The following WDR59 variants were observed in gnomAD, a reference collection of about 807,000 sequenced individuals.
The protein encoded by WDR59 is WD repeat domain 59, also known as GATOR2 complex protein WDR59.
In WDR59, 100 loss-of-function variants were observed where a neutral mutation model predicts 131.2. The observed-to-expected ratio is 0.76, with a 90% CI of 0.65 to 0.90. The LOEUF is 0.90. WDR59 is among the 40% of genes least tolerant of loss of function. The pLI, the probability that WDR59 is intolerant of heterozygous loss-of-function variation, is 0.00. For missense variants in WDR59, 1,203 were observed against 1,262.2 expected (o/e 0.95, Z 0.71); for synonymous variants, 601 against 466.2 (o/e 1.29, Z -3.72).
At chr16:74,893,647 T>C (rs1263476476) in intron 19 of WDR59, 32 bp downstream of exon 19, 7 of 1,563,098 alleles carry the variant, frequency 4.5e-6, no homozygotes, top group Non-Finnish European at 6.1e-6. Context: ...GGCTAAATGA[T>C]GAGTGCAGCA....
In WDR59 at chr16:74,874,436, C is replaced by T. The variant is rs779076351; in HGVS notation, c.2698G>A (p.Val900Met). Residue 900 changes from valine (V) to methionine (M), a missense_variant, in exon 26 of 26, where the codon GTG becomes ATG. Val to Met is a conservative substitution (Grantham distance 21). Transcript: ENST00000262144. ...TCACTCCGGCAGTGGCTGCAGTACA[C>T]GCCGAACTCTGGAAATGGGCAGGGA... ...PDPHKGIEFG[V>M]YCSHCRSEVR... 32 of 1,613,674 alleles carry T rather than the reference C, an allele frequency of 2.0e-5. No homozygotes were observed. The highest frequency in any genetic ancestry group is 1.6e-4 in the Middle Eastern group (1 of 6,082).
chr16:74,985,117 C>T lies in WDR59; in HGVS notation c.-100G>A, dbSNP rs1400851240. The T allele has an allele frequency of 8.5e-7, 1 of 1,173,366 alleles. No homozygotes were observed. The highest frequency in any genetic ancestry group is 2.6e-5 in the East Asian group (1 of 39,136). 72.7% of individuals were successfully genotyped at this position (1,173,366 alleles called of 1,614,324 possible). ...GCCCCACACAGCCAGAGAATCAGCC[C>T]CGACACGCCCCGTGCCCTGGTTGCT... On this transcript the variant is annotated 5_prime_UTR_variant, in exon 1 of 26. Coordinates refer to ENST00000262144, the MANE Select transcript of WDR59 (RefSeq NM_030581.4).
intron 13 of WDR59, 105 bp from the exon 14 acceptor site, chr16:74,912,467 G>A: frequency 2.5e-6 from 3 of 1,203,198 alleles, no homozygotes; most frequent in South Asian, 1.7e-5. Flanking sequence ...TTGAATGAAG[G>A]GAAAGAGTCT....
At chr16:74,974,277 C>G (rs1161968187) in intron 1 of WDR59, among the ~76,000 whole-genome samples, 2 of 152,124 alleles carry the variant, frequency 1.3e-5, no homozygotes, top group East Asian at 1.9e-4. Flanking sequence ...GGTACGTCAC[C>G]TAATCTTTCT....
Position 74,912,283 on chromosome 16 carries a change from G to A in WDR59, c.1304C>T (p.Ala435Val). ...AGGGGCGGCGTTGTTTGGGTACTGT[G>A]CAGGGAACTTCACCAGCATCTTGAC... ...HRVKMLVKFP[A>V]QYPNNAAPSF... The change falls in exon 14 of 26, where the codon GCA becomes GTA. Residue 435 changes from alanine to valine, a missense_variant. Coordinates refer to ENST00000262144, the MANE Select transcript of WDR59 (RefSeq NM_030581.4). 6.2e-7 allele frequency: 1 copy of A among 1,614,186 alleles called. No individual in the cohort carries two copies. The highest frequency in any genetic ancestry group is 8.5e-7 in the Non-Finnish European group (1 of 1,180,030).
chr16:74,892,511 C>A lies in WDR59; in HGVS notation c.2055G>T (p.Leu685Phe). ...GGACAAGATCCTTTCTTCCAACGAG[C>A]AAGGCAGAGGCGGCATTCTTCTGAC... is the stretch of plus-strand genomic sequence containing the variant. The part of the protein sequence containing the change: ...ETCQKNAASA[L>F]LVGRKDLVQV... Residue 685 changes from leucine to phenylalanine, a missense_variant, in exon 20 of 26, where the codon TTG becomes TTT. Coordinates refer to ENST00000262144, the MANE Select transcript of WDR59 (RefSeq NM_030581.4). 6.2e-7 allele frequency: 1 copy of A among 1,613,810 alleles called. No homozygotes were observed. The highest frequency in any genetic ancestry group is 8.5e-7 in the Non-Finnish European group (1 of 1,179,882).
At chr16:74,979,289 C>T (rs757900132) in intron 1 of WDR59, among the ~76,000 whole-genome samples, 4 of 151,438 alleles carry the variant, frequency 2.6e-5, no homozygotes, top group South Asian at 4.2e-4. Flanking sequence ...ACAGTGAAAC[C>T]CCATCTCTAC....
intron 6 of WDR59, among the ~76,000 whole-genome samples, chr16:74,947,305 G>A (rs182784780): frequency 1.2e-4 from 18 of 152,198 alleles, no homozygotes; most frequent in African/African-American, 2.2e-4. Context: ...AAAATTAGCC[G>A]GGCATGGTGG....
chr16:74,939,204 G>A (rs1004202118), intron 7 of WDR59, among the ~76,000 whole-genome samples: 1 of 152,046 alleles, frequency 6.6e-6, no homozygotes, highest in African/African-American at 2.4e-5. Flanking sequence ...GCCTCCCAAA[G>A]TGCTGGGATT....
chr16:74,876,903 C>G (rs570694183), intron 25 of WDR59, among the ~76,000 whole-genome samples: 158 of 152,188 alleles, frequency 1.0e-3, no homozygotes, highest in African/African-American at 2.7e-3. Context: ...TGTCTCACAC[C>G]TGGCTGCCTT....
intron 25 of WDR59, among the ~76,000 whole-genome samples, chr16:74,878,938 C>G (rs1486247340): frequency 6.6e-6 from 1 of 152,228 alleles, no homozygotes. Context: ...TTCCTATAAA[C>G]TATAGGCCAG....
chr16:74,943,254 T>C (rs1274351691), intron 6 of WDR59, among the ~76,000 whole-genome samples: 2 of 143,270 alleles, frequency 1.4e-5, no homozygotes, highest in Non-Finnish European at 3.0e-5. Context: ...TTTTTTTTTT[T>C]AATTGTTGAG....
intron 8 of WDR59, among the ~76,000 whole-genome samples, chr16:74,926,085 AT>A (rs2030777432): frequency 1.4e-5 from 2 of 142,158 alleles, no homozygotes; most frequent in Admixed American, 1.4e-4. Flanking sequence ...TTGAGAGGGA[AT>A]TTTGCTCTTG....
chr16:74,886,618 T>C (rs1964778052), intron 23 of WDR59: 3 of 488,462 alleles, frequency 6.1e-6, no homozygotes, highest in African/African-American at 2.0e-5. Flanking sequence ...TACACACACA[T>C]GATGCTAACG....
At position 74,973,213 on chromosome 16, in the gene WDR59, C is replaced by T. The variant is rs550785075; in HGVS notation, c.55-7391G>A. On this transcript the variant is annotated intron_variant, in intron 1 of 25. Coordinates refer to ENST00000262144, the MANE Select transcript of WDR59 (RefSeq NM_030581.4). Reference sequence around the variant, plus strand: ...CCAAGATTGCGCCATTGCACTCCAGCCTGAGCAACAAGAGCAAAACTCTGT... The same window carrying T: ...CCAAGATTGCGCCATTGCACTCCAGTCTGAGCAACAAGAGCAAAACTCTGT... Among the ~76,000 whole-genome samples the T allele has an allele frequency of 9.8e-5, 15 of 152,294 alleles. No homozygotes were observed. The South Asian group carries it at 3.1e-3, about 32-fold the overall frequency.
chr16:74,906,313 C>CAAAAAAAAAAAAAAAAA (rs762288713), intron 17 of WDR59, among the ~76,000 whole-genome samples: 918 of 32,386 alleles, frequency 0.028, 224 homozygotes, highest in African/African-American at 0.084. Flanking sequence ...GACTCCGTCT[C>CAAAAAAAAAAAAAAAAA]AAAAAAAAAA....
At chr16:74,927,038 G>T (rs1029079567) in intron 8 of WDR59, among the ~76,000 whole-genome samples, 1 of 152,170 alleles carries the variant, frequency 6.6e-6, no homozygotes, top group Non-Finnish European at 1.5e-5. Context: ...CAAACACCCA[G>T]CTGTAAAATC....
chr16:74,871,588 T>C lies in WDR59; in HGVS notation c.*2621A>G, dbSNP rs1428869460. The C allele has an allele frequency of 6.6e-6, 1 of 152,218 alleles. No homozygotes were observed. Among genetic ancestry groups the C allele is most frequent in the Non-Finnish European group, 1.5e-5 (1 of 68,040 alleles). The allele number at this position is 152,218 out of a possible 1,614,324, so 9.4% of individuals were successfully genotyped here. Reference sequence around the variant, plus strand: ...GTTTTTCAATTTTGAAAGTCAATGTTCCTCCAACAATAAAACAAGAAAAAC... The same window carrying C: ...GTTTTTCAATTTTGAAAGTCAATGTCCCTCCAACAATAAAACAAGAAAAAC... On this transcript the variant is annotated 3_prime_UTR_variant, in exon 26 of 26. Coordinates refer to ENST00000262144, the MANE Select transcript of WDR59 (RefSeq NM_030581.4).
At chr16:74,938,349 G>C in intron 7 of WDR59, 83 bp from the exon 8 acceptor site, 2 of 948,384 alleles carry the variant, frequency 2.1e-6, no homozygotes, top group East Asian at 5.9e-5. Context: ...TAGGTAGTGA[G>C]TGAGGATGCA....
Sources: gnomAD v4.1 joint callset for allele counts (sites outside exome capture counted in the v4.1 genomes callset) on GRCh38, gnomAD v4.1.1 for gene constraint, MANE v1.5 for transcripts, NCBI Gene and HGNC (gene_info 2026-07-23, HGNC 2026-07-21) for gene names.